The following DLG1 variants were observed in gnomAD, a reference collection of about 807,000 sequenced individuals.
DLG1 encodes disks large homolog 1.
In DLG1, 42 loss-of-function variants were observed where a neutral mutation model predicts 123.4. The ratio of observed to expected loss-of-function variants is 0.34; its 90% confidence interval spans 0.27 to 0.44. The LOEUF (loss-of-function observed/expected upper bound fraction) is 0.44, where lower values mean the gene tolerates loss of function less well. Among genes scored for constraint, DLG1 ranks in the 20% least tolerant of loss-of-function variants. The pLI is 1.00. For synonymous variants in DLG1, 317 were observed against 356.2 expected (o/e 0.89, Z 1.24); for missense variants, 942 against 1,082.6 (o/e 0.87, Z 1.82).
chr3:197,244,844 G>C (rs1750820564), intron 4 of DLG1, among the ~76,000 whole-genome samples: 1 of 152,054 alleles, frequency 6.6e-6, no homozygotes, highest in African/African-American at 2.4e-5. Flanking sequence ...GAACTCCAAG[G>C]GTGGCATCTG....
intron 14 of DLG1, among the ~76,000 whole-genome samples, chr3:197,092,433 A>C (rs1430754439): frequency 6.6e-6 from 1 of 152,198 alleles, no homozygotes; most frequent in African/African-American, 2.4e-5. Context: ...ATTACTGTAA[A>C]CAGTTAACTA....
chr3:197,138,378 T>C lies in DLG1; in HGVS notation c.727A>G (p.Ile243Val). Reference sequence around the variant, plus strand: ...ACATCTACTTCATTTACTCGTAATATACAGTCATTGACCCTGAGAAAACAA... The same window carrying C: ...ACATCTACTTCATTTACTCGTAATACACAGTCATTGACCCTGAGAAAACAA... ...QDGRLRVNDCILRVNEVDVRD... is the reference protein window; with the variant it reads ...QDGRLRVNDCVLRVNEVDVRD... Residue 243 changes from isoleucine to valine, a missense_variant, in exon 9 of 25, where the codon ATA becomes GTA. Physicochemically the swap from Ile to Val is conservative, Grantham distance 29. Transcript: ENST00000667157. 6.8e-7 allele frequency: 1 copy of C among 1,466,470 alleles called. No individual in the cohort carries two copies. The allele number at this position is 1,466,470 out of a possible 1,614,324, so 90.8% of individuals were successfully genotyped here. A position where few individuals can be genotyped will look rare whatever the true frequency, so the allele number is the denominator to read the frequency against.
intron 5 of DLG1, among the ~76,000 whole-genome samples, chr3:197,153,221 AT>A (rs1794808862): frequency 6.6e-6 from 1 of 152,214 alleles, no homozygotes; most frequent in Admixed American, 6.5e-5. Flanking sequence ...GGTTAAAATG[AT>A]TGTAAAAACA....
At chr3:197,247,686 T>G (rs934540957) in intron 4 of DLG1, among the ~76,000 whole-genome samples, 1 of 152,200 alleles carries the variant, frequency 6.6e-6, no homozygotes. Flanking sequence ...TTGCTTTCTC[T>G]TATGTTTAGT....
chr3:197,133,468 CAT>C (rs530220541), intron 10 of DLG1, among the ~76,000 whole-genome samples: 32 of 152,282 alleles, frequency 2.1e-4, no homozygotes, highest in African/African-American at 7.5e-4. Context: ...TAAACAAATA[CAT>C]GAGTGGTGTT....
chr3:197,253,552 C>A (rs1755443836), intron 4 of DLG1, among the ~76,000 whole-genome samples: 1 of 152,160 alleles, frequency 6.6e-6, no homozygotes, highest in Admixed American at 6.5e-5. Context: ...CACTCCCCGG[C>A]AATCTCTTGA....
chr3:197,252,270 G>A (rs1754804290), intron 4 of DLG1, among the ~76,000 whole-genome samples: 1 of 152,088 alleles, frequency 6.6e-6, no homozygotes, highest in Non-Finnish European at 1.5e-5. Flanking sequence ...TAAAAGCAGT[G>A]TCTCAAAGAG....
chr3:197,190,782 G>T (rs900591936), intron 5 of DLG1, among the ~76,000 whole-genome samples: 2 of 152,178 alleles, frequency 1.3e-5, no homozygotes, highest in Non-Finnish European at 2.9e-5. Flanking sequence ...AGGCCGAGGC[G>T]GGCGGATCAC....
At chr3:197,216,582 T>TA (rs1328196597) in intron 4 of DLG1, among the ~76,000 whole-genome samples, 1 of 152,204 alleles carries the variant, frequency 6.6e-6, no homozygotes, top group Non-Finnish European at 1.5e-5. Flanking sequence ...GAAAGACTGT[T>TA]AGAGACTCAG....
At position 197,130,609 on chromosome 3, in the gene DLG1, T is replaced by A. The variant is rs745433810; in HGVS notation, c.1083A>T (p.Thr361=). ...CCACTTTCAAATAAACAAAATCAGATGTGTTCTTTAAGGCAGTTACTGCTT... is the reference window on the plus strand; with the variant it reads ...CCACTTTCAAATAAACAAAATCAGAAGTGTTCTTTAAGGCAGTTACTGCTT... ...HEEAVTALKN[T]SDFVYLKVAK... is the part of the protein sequence containing the mutation. Residue 361 remains threonine (T), a synonymous_variant, in exon 11 of 25, where the codon ACA becomes ACT. Transcript: ENST00000667157. 6.8e-6 allele frequency: 11 copies of A among 1,611,642 alleles called. No individual in the cohort carries two copies. The Admixed American group carries it at 1.2e-4, about 17-fold the overall frequency.
chr3:197,093,338 T>C (rs983045574), intron 14 of DLG1, among the ~76,000 whole-genome samples: 2 of 152,132 alleles, frequency 1.3e-5, no homozygotes, highest in African/African-American at 4.8e-5. Flanking sequence ...TTTGCATTTT[T>C]AATAGAGACG....
intron 4 of DLG1, among the ~76,000 whole-genome samples, chr3:197,233,896 G>A (rs1226544784): frequency 6.6e-6 from 1 of 152,190 alleles, no homozygotes; most frequent in African/African-American, 2.4e-5. Context: ...CCATGTTCAA[G>A]GAAACTAAAG....
chr3:197,297,966 C>G, intron 1 of DLG1: 3 of 976,300 alleles, frequency 3.1e-6, no homozygotes, highest in Non-Finnish European at 3.7e-6. Flanking sequence ...GGCCGCCGCA[C>G]CCCCGCGGCC....
At chr3:197,079,000 A>G (rs1749155787) in intron 17 of DLG1, among the ~76,000 whole-genome samples, 1 of 152,182 alleles carries the variant, frequency 6.6e-6, no homozygotes. Context: ...TTAGTTAAGA[A>G]AGTATTAGTT....
intron 4 of DLG1, among the ~76,000 whole-genome samples, chr3:197,219,672 G>A (rs755800839): frequency 3.9e-5 from 6 of 152,124 alleles, no homozygotes; most frequent in Admixed American, 6.5e-5. Context: ...ATTAGGGTGT[G>A]GTAGTCCAAT....
chr3:197,115,165 AC>A (rs1772515152), intron 13 of DLG1, among the ~76,000 whole-genome samples: 1 of 152,156 alleles, frequency 6.6e-6, no homozygotes, highest in Non-Finnish European at 1.5e-5. Context: ...CTTTTAATAA[AC>A]AAAAATAAAA....
intron 4 of DLG1, among the ~76,000 whole-genome samples, chr3:197,213,277 GCATT>G (rs1424908417): frequency 6.6e-6 from 1 of 151,498 alleles, no homozygotes; most frequent in Admixed American, 6.6e-5. Context: ...AATCTCAAAA[GCATT>G]ATTAGGAGCT....
At chr3:197,258,080 C>G (rs572704759) in intron 4 of DLG1, among the ~76,000 whole-genome samples, 43 of 152,266 alleles carry the variant, frequency 2.8e-4, no homozygotes, top group African/African-American at 1.0e-3. Context: ...GAACAATAAT[C>G]AGAAACGCTG....
intron 17 of DLG1, among the ~76,000 whole-genome samples, chr3:197,080,230 A>G (rs1194523299): frequency 6.9e-6 from 1 of 145,850 alleles, no homozygotes; most frequent in Non-Finnish European, 1.5e-5. Flanking sequence ...AAATAAATAC[A>G]CTTCTAAAAT....
Sources: gnomAD v4.1 joint callset for allele counts (sites outside exome capture counted in the v4.1 genomes callset) on GRCh38, gnomAD v4.1.1 for gene constraint, MANE v1.5 for transcripts, NCBI Gene and HGNC (gene_info 2026-07-23, HGNC 2026-07-21) for gene names.